The following PATJ variants were observed in gnomAD, a reference collection of about 807,000 sequenced individuals.
PATJ encodes the protein inaD-like protein.
PATJ carries 190 observed loss-of-function variants against 224.9 expected under a neutral mutation model. That is an observed-to-expected ratio of 0.84 (90% CI 0.75 to 0.95). The LOEUF (loss-of-function observed/expected upper bound fraction) is 0.95. Ranked by LOEUF, PATJ falls within the 40% of genes least tolerant of loss-of-function variation. PATJ has a pLI of 0.00. For synonymous variants in PATJ, 769 were observed against 820.3 expected (o/e 0.94, Z 1.07); for missense variants, 2,121 against 2,270.3 (o/e 0.93, Z 1.34).
At chr1:61,893,500 T>C (rs916286476) in intron 22 of PATJ, among the ~76,000 whole-genome samples, 9 of 130,022 alleles carry the variant, frequency 6.9e-5, no homozygotes, top group South Asian at 4.7e-4. Context: ...TTTTTTTTTT[T>C]CGCCAATTAA....
At chr1:61,949,865 G>A (rs574314063) in intron 27 of PATJ, among the ~76,000 whole-genome samples, 18 of 151,878 alleles carry the variant, frequency 1.2e-4, no homozygotes, top group African/African-American at 4.1e-4. Flanking sequence ...TCACACCACT[G>A]CCCTCCAGCC....
At chr1:62,075,288 A>G (rs1487360547) in intron 31 of PATJ, among the ~76,000 whole-genome samples, 1 of 152,188 alleles carries the variant, frequency 6.6e-6, no homozygotes, top group Non-Finnish European at 1.5e-5. Context: ...TCTTCATGGA[A>G]GTGGAATTTT....
intron 7 of PATJ, among the ~76,000 whole-genome samples, chr1:61,781,320 C>A (rs1485768505): frequency 6.6e-6 from 1 of 152,206 alleles, no homozygotes; most frequent in Non-Finnish European, 1.5e-5. Flanking sequence ...CCATAGGGGA[C>A]AGAGCACTAT....
chr1:61,806,422 A>G (rs188982259), intron 13 of PATJ, among the ~76,000 whole-genome samples: 295 of 152,014 alleles, frequency 1.9e-3, no homozygotes, highest in African/African-American at 6.5e-3. Context: ...GATCGAGACC[A>G]TCCTGGCTAA....
chr1:61,858,515 G>C (rs958553022), intron 18 of PATJ, among the ~76,000 whole-genome samples: 3 of 152,108 alleles, frequency 2.0e-5, no homozygotes, highest in Non-Finnish European at 4.4e-5. Context: ...ACCTGCCTTG[G>C]CCTCCCAAAG....
chr1:61,802,201 C>T (rs1291390042), intron 12 of PATJ, among the ~76,000 whole-genome samples: 1 of 152,100 alleles, frequency 6.6e-6, no homozygotes, highest in Non-Finnish European at 1.5e-5. Context: ...TCAAGCGATT[C>T]TCCTGCCTCA....
chr1:61,793,219 G>A (rs966888761), intron 9 of PATJ, among the ~76,000 whole-genome samples: 13 of 152,124 alleles, frequency 8.5e-5, no homozygotes, highest in African/African-American at 3.1e-4. Context: ...GACTATGGGT[G>A]CGCATGTGAA....
At chr1:62,123,775 C>A (rs1308687869) in intron 39 of PATJ, among the ~76,000 whole-genome samples, 2 of 122,538 alleles carry the variant, frequency 1.6e-5, no homozygotes, top group African/African-American at 3.4e-5. Context: ...CCGTGCCCGG[C>A]CAAATGTGCT....
At chr1:61,808,608 C>T (rs1654055367) in intron 14 of PATJ, 78 bp downstream of exon 14, 1 of 887,078 alleles carries the variant, frequency 1.1e-6, no homozygotes, top group South Asian at 1.5e-5. Context: ...CCAGGTTGGT[C>T]TCAAACTCAT....
chr1:61,838,670 G>A (rs977633413), intron 17 of PATJ, among the ~76,000 whole-genome samples: 1 of 151,828 alleles, frequency 6.6e-6, no homozygotes, highest in South Asian at 2.1e-4. Context: ...GCGCCCGGCC[G>A]ACTGAGTACT....
rs1180894496 is a variant in PATJ, at chr1:61,814,552, G to GCA, written c.1683+6023_1683+6024insAC. ...TGTGTGTGTGTGTGTGTGTGTGCGC[G>GCA]CGCGCGCGCATGTATGTGGGATAGA... is the stretch of plus-strand genomic sequence containing the variant. On this transcript the variant is annotated intron_variant, in intron 14 of 43. Coordinates refer to ENST00000642238, the MANE Select transcript of PATJ (RefSeq NM_001350145.3). Among the ~76,000 whole-genome samples, 13 of 150,860 alleles carry GCA rather than the reference G, an allele frequency of 8.6e-5. 1 individual carries two copies. The highest frequency in any genetic ancestry group is 1.8e-4 in the Non-Finnish European group (12 of 67,908).
At chr1:61,749,752 C>T (rs1023614261) in intron 1 of PATJ, among the ~76,000 whole-genome samples, 7 of 151,734 alleles carry the variant, frequency 4.6e-5, no homozygotes, top group Admixed American at 4.6e-4. Flanking sequence ...GATCATGGCT[C>T]ACTGCAGCCT....
At chr1:61,966,122 G>A (rs1032152087) in intron 27 of PATJ, among the ~76,000 whole-genome samples, 2 of 152,052 alleles carry the variant, frequency 1.3e-5, no homozygotes, top group Admixed American at 6.5e-5. Flanking sequence ...GGCTGTTCTC[G>A]AACTCCTGAC....
At chr1:61,951,267 TG>T (rs990892665) in intron 27 of PATJ, among the ~76,000 whole-genome samples, 3 of 152,152 alleles carry the variant, frequency 2.0e-5, no homozygotes, top group Admixed American at 1.3e-4. Context: ...GGCTTTTTAT[TG>T]TTTTTTTTAT....
intron 43 of PATJ, among the ~76,000 whole-genome samples, chr1:62,158,190 G>A (rs1669438917): frequency 6.7e-6 from 1 of 149,462 alleles, no homozygotes; most frequent in African/African-American, 2.4e-5. Context: ...AGTAGGTAGA[G>A]GTTTTCAAGC....
intron 37 of PATJ, chr1:62,117,461 T>G: frequency 7.5e-7 from 1 of 1,326,600 alleles, no homozygotes; most frequent in Non-Finnish European, 9.7e-7. Flanking sequence ...TTCTCTCTAT[T>G]AGTTCTATAT....
At chr1:61,782,863 G>A (rs781298706) in intron 7 of PATJ, among the ~76,000 whole-genome samples, 1 of 152,190 alleles carries the variant, frequency 6.6e-6, no homozygotes, top group Non-Finnish European at 1.5e-5. Flanking sequence ...CCCTTGAAGT[G>A]CAGAAACCTC....
intron 41 of PATJ, among the ~76,000 whole-genome samples, chr1:62,131,327 T>C (rs1666238462): frequency 1.3e-5 from 2 of 152,142 alleles, no homozygotes; most frequent in Admixed American, 6.6e-5. Flanking sequence ...AGCTCTTCAG[T>C]GCTGAGCCCA....
intron 33 of PATJ, among the ~76,000 whole-genome samples, chr1:62,087,875 T>TTTTAATAA (rs1024942057): frequency 6.6e-6 from 1 of 151,048 alleles, no homozygotes; most frequent in Non-Finnish European, 1.5e-5. Flanking sequence ...CTAATCGTAT[T>TTTTAATAA]TTTAATAATT....
Sources: allele counts gnomAD v4.1 joint callset (sites outside exome capture counted in the v4.1 genomes callset), GRCh38; gene constraint gnomAD v4.1.1; transcripts MANE v1.5; gene names NCBI Gene and HGNC (gene_info 2026-07-23, HGNC 2026-07-21).